The following TRAT1 variants were observed in gnomAD, a reference collection of about 807,000 sequenced individuals.
TRAT1 encodes T cell receptor associated transmembrane adaptor 1.
A neutral mutation model predicts 20.0 loss-of-function variants in TRAT1; 20 were observed. The observed-to-expected ratio is 1.00, with a 90% CI of 0.70 to 1.45. The LOEUF (loss-of-function observed/expected upper bound fraction) is 1.45, where lower values mean the gene tolerates loss of function less well. Among genes scored for constraint, TRAT1 ranks in the 40% most tolerant of loss-of-function variants. The probability of loss-of-function intolerance (pLI) is 0.00; values close to 1 mark genes in which losing one functional copy is unlikely to be tolerated. For missense variants in TRAT1, 237 were observed against 224.1 expected, an observed-to-expected ratio of 1.06 and a Z score of -0.37; for synonymous variants, 77 against 74.2, an observed-to-expected ratio of 1.04 and a Z score of -0.20.
intron 2 of TRAT1, among the ~76,000 whole-genome samples, chr3:108,834,757 G>A (rs752716412): frequency 3.3e-5 from 5 of 152,114 alleles, no homozygotes; most frequent in Admixed American, 6.5e-5. Flanking sequence ...AATAAATAGC[G>A]TTCAAAAGAA....
chr3:108,827,025 C>G (rs1209281750), intron 1 of TRAT1, among the ~76,000 whole-genome samples: 2 of 152,094 alleles, frequency 1.3e-5, no homozygotes. Context: ...TAATTAAACC[C>G]ACCACTATTA....
chr3:108,853,044 A>G (rs1946010936), intron 5 of TRAT1, among the ~76,000 whole-genome samples: 1 of 152,254 alleles, frequency 6.6e-6, no homozygotes, highest in Admixed American at 6.5e-5. Flanking sequence ...GAACTGGGGA[A>G]GGCAGATAAG....
chr3:108,826,569 A>C (rs140388116), intron 1 of TRAT1, among the ~76,000 whole-genome samples: 119 of 152,230 alleles, frequency 7.8e-4, no homozygotes, highest in African/African-American at 2.8e-3. Context: ...AATCATCAAG[A>C]ATGTGCCTTA....
chr3:108,832,658 T>C (rs1945805178), intron 2 of TRAT1, among the ~76,000 whole-genome samples: 1 of 152,178 alleles, frequency 6.6e-6, no homozygotes, highest in Non-Finnish European at 1.5e-5. Flanking sequence ...ACAAGACCAG[T>C]AACCTGAATT....
At chr3:108,836,994 T>C (rs539370386) in intron 2 of TRAT1, among the ~76,000 whole-genome samples, 3 of 152,352 alleles carry the variant, frequency 2.0e-5, no homozygotes, top group African/African-American at 7.2e-5. Flanking sequence ...AATCAACATA[T>C]ACTTTATGTC....
chr3:108,823,978 T>C (rs977956462), intron 1 of TRAT1, among the ~76,000 whole-genome samples: 1 of 152,112 alleles, frequency 6.6e-6, no homozygotes, highest in Non-Finnish European at 1.5e-5. Flanking sequence ...TTCAAGCGAT[T>C]CTCCTGCCTC....
intron 3 of TRAT1, among the ~76,000 whole-genome samples, chr3:108,845,844 T>A (rs1945937639): frequency 6.6e-6 from 1 of 152,152 alleles, no homozygotes; most frequent in South Asian, 2.1e-4. Context: ...CATTGTGAAA[T>A]CTGGTCACTA....
At chr3:108,838,121 T>C (rs990318354) in intron 2 of TRAT1, among the ~76,000 whole-genome samples, 1 of 152,156 alleles carries the variant, frequency 6.6e-6, no homozygotes, top group South Asian at 2.1e-4. Context: ...AAAAATAACT[T>C]TTCTTTTCTT....
intron 5 of TRAT1, 132 bp downstream of exon 5, chr3:108,849,386 T>A: frequency 9.3e-6 from 6 of 647,226 alleles, no homozygotes. Flanking sequence ...ACCTGAGCTC[T>A]AACTCAGGGT....
At chr3:108,824,340 G>C (rs531951218) in intron 1 of TRAT1, among the ~76,000 whole-genome samples, 3 of 152,170 alleles carry the variant, frequency 2.0e-5, no homozygotes, top group Admixed American at 1.3e-4. Context: ...CAAGAGTGAT[G>C]CCAATTCCCT....
chr3:108,827,320 T>C (rs1472482125), intron 1 of TRAT1, among the ~76,000 whole-genome samples: 1 of 151,996 alleles, frequency 6.6e-6, no homozygotes, highest in African/African-American at 2.4e-5. Context: ...CCCACAGGAA[T>C]ATGGAGATAT....
At position 108,832,467 on chromosome 3, in the gene TRAT1, C is replaced by T. The variant is rs1268631237; in HGVS notation, c.118+1687C>T. On this transcript the variant is annotated intron_variant, in intron 2 of 5. Coordinates refer to ENST00000295756, the MANE Select transcript of TRAT1 (RefSeq NM_016388.4). Reference sequence around the variant, plus strand: ...ATGACCCATCATCAAACATCTTCTACAGTTTCCCTCCTTTATAGATAAAAA... The same window carrying T: ...ATGACCCATCATCAAACATCTTCTATAGTTTCCCTCCTTTATAGATAAAAA... 2.0e-5 allele frequency among the ~76,000 whole-genome samples: 3 copies of T among 152,290 alleles called. No individual in the cohort carries two copies. In the East Asian group the frequency reaches 5.8e-4, roughly 29 times the overall value.
At chr3:108,850,530 C>T (rs1381002624) in intron 5 of TRAT1, among the ~76,000 whole-genome samples, 5 of 152,054 alleles carry the variant, frequency 3.3e-5, no homozygotes, top group African/African-American at 1.2e-4. Context: ...GTCGCAAACT[C>T]CCGACCGCAG....
At chr3:108,851,840 C>T (rs1183628736) in intron 5 of TRAT1, among the ~76,000 whole-genome samples, 3 of 152,124 alleles carry the variant, frequency 2.0e-5, no homozygotes, top group South Asian at 2.1e-4. Context: ...TCTTAGGACT[C>T]ACATTCTTTA....
intron 3 of TRAT1, 86 bp downstream of exon 3, chr3:108,839,053 G>A: frequency 9.9e-7 from 1 of 1,008,266 alleles, no homozygotes; most frequent in Non-Finnish European, 1.6e-6. Context: ...TTGGCTCATG[G>A]ATATTGTACT....
At chr3:108,837,711 T>C (rs1945851984) in intron 2 of TRAT1, among the ~76,000 whole-genome samples, 1 of 152,200 alleles carries the variant, frequency 6.6e-6, no homozygotes, top group Non-Finnish European at 1.5e-5. Flanking sequence ...TTTTGGCTTT[T>C]ATTTAATGCC....
intron 3 of TRAT1, among the ~76,000 whole-genome samples, chr3:108,846,791 G>A (rs2715714): frequency 0.9 from 137,394 of 152,208 alleles, 62,187 homozygotes; most frequent in East Asian, 1. Context: ...TCGATGTAGC[G>A]CCTAATATAC....
At chr3:108,851,628 TAAAA>T (rs33945029) in intron 5 of TRAT1, among the ~76,000 whole-genome samples, 3 of 146,336 alleles carry the variant, frequency 2.1e-5, no homozygotes, top group Admixed American at 6.8e-5. Flanking sequence ...CCTCCAATAT[TAAAA>T]AAAAAAAAAA....
intron 5 of TRAT1, 42 bp downstream of exon 5, chr3:108,849,296 GCATAAGAGTAGTA>G: frequency 6.6e-7 from 1 of 1,514,120 alleles, no homozygotes; most frequent in Non-Finnish European, 9.1e-7. Context: ...CATTTCAAGA[GCATAAGAGTAGTA>G]CATTATGATA....
Sources: allele counts gnomAD v4.1 joint callset (sites outside exome capture counted in the v4.1 genomes callset), GRCh38; gene constraint gnomAD v4.1.1; transcripts MANE v1.5; gene names NCBI Gene and HGNC (gene_info 2026-07-23, HGNC 2026-07-21).